Variants in PEAK1 observed in about 807,000 individuals in gnomAD.
The protein encoded by PEAK1 is pseudopodium enriched atypical kinase 1.
A neutral mutation model predicts 124.7 loss-of-function variants in PEAK1; 54 were observed. The observed-to-expected ratio is 0.43, with a 90% CI of 0.35 to 0.54. The LOEUF (loss-of-function observed/expected upper bound fraction) is 0.54. Ranked by LOEUF, PEAK1 falls within the 20% of genes least tolerant of loss-of-function variation. The pLI, the probability that PEAK1 is intolerant of heterozygous loss-of-function variation, is 0.01. For missense variants in PEAK1, 2,046 were observed against 2,134.5 expected (o/e 0.96, Z 0.82); for synonymous variants, 719 against 760.0 (o/e 0.95, Z 0.89).
intron 7 of PEAK1, among the ~76,000 whole-genome samples, chr15:77,163,986 G>T (rs1416665028): frequency 6.6e-6 from 1 of 152,118 alleles, no homozygotes; most frequent in African/African-American, 2.4e-5. Flanking sequence ...GCAGATGTGG[G>T]ATCTACATTA....
At chr15:77,311,061 T>C (rs1452147648) in intron 2 of PEAK1, among the ~76,000 whole-genome samples, 1 of 152,216 alleles carries the variant, frequency 6.6e-6, no homozygotes, top group Non-Finnish European at 1.5e-5. Flanking sequence ...CACTGGATAC[T>C]GGTTAAAGAA....
chr15:77,228,270 G>A (rs1345643338), intron 6 of PEAK1, among the ~76,000 whole-genome samples: 3 of 152,014 alleles, frequency 2.0e-5, no homozygotes, highest in African/African-American at 4.8e-5. Context: ...ATAATACCAC[G>A]ATTCTCATGT....
chr15:77,323,063 G>A (rs1173773446), intron 2 of PEAK1, among the ~76,000 whole-genome samples: 1 of 152,028 alleles, frequency 6.6e-6, no homozygotes, highest in African/African-American at 2.4e-5. Context: ...TGCAGAAAAG[G>A]CCTTTGACAA....
At chr15:77,387,482 T>G (rs1463728574) in intron 1 of PEAK1, among the ~76,000 whole-genome samples, 5 of 152,242 alleles carry the variant, frequency 3.3e-5, no homozygotes, top group Non-Finnish European at 7.3e-5. Flanking sequence ...GAAAGTGATT[T>G]GCTCACAGCT....
intron 9 of PEAK1, among the ~76,000 whole-genome samples, chr15:77,125,120 C>T (rs1181424229): frequency 6.6e-6 from 1 of 152,092 alleles, no homozygotes; most frequent in Non-Finnish European, 1.5e-5. Flanking sequence ...ATACAGTAAA[C>T]ATTTTTTGAA....
At chr15:77,197,556 C>T (rs569828016) in intron 6 of PEAK1, among the ~76,000 whole-genome samples, 6 of 151,842 alleles carry the variant, frequency 4.0e-5, no homozygotes, top group African/African-American at 1.2e-4. Flanking sequence ...CTACCTTTAC[C>T]TTTTTTCTAC....
intron 2 of PEAK1, among the ~76,000 whole-genome samples, chr15:77,320,726 T>C (rs1201857557): frequency 1.3e-5 from 2 of 152,268 alleles, no homozygotes; most frequent in African/African-American, 4.8e-5. Flanking sequence ...TAGTTACATA[T>C]GTATACATGT....
intron 1 of PEAK1, among the ~76,000 whole-genome samples, chr15:77,390,384 T>C (rs1243884917): frequency 6.6e-6 from 1 of 152,196 alleles, no homozygotes; most frequent in African/African-American, 2.4e-5. Flanking sequence ...TTGAGGATAA[T>C]TAGGGCTTTC....
intron 2 of PEAK1, among the ~76,000 whole-genome samples, chr15:77,301,668 C>G (rs1392187211): frequency 2.6e-5 from 4 of 152,076 alleles, no homozygotes; most frequent in Non-Finnish European, 5.9e-5. Flanking sequence ...TGATGCTGAC[C>G]CTGATCATCT....
At chr15:77,354,587 C>G (rs2067394114) in intron 2 of PEAK1, among the ~76,000 whole-genome samples, 1 of 152,186 alleles carries the variant, frequency 6.6e-6, no homozygotes, top group Admixed American at 6.5e-5. Context: ...TGGCCTTTCC[C>G]TGCAAACTGT....
At chr15:77,231,638 C>T (rs1366672283) in intron 6 of PEAK1, among the ~76,000 whole-genome samples, 1 of 152,028 alleles carries the variant, frequency 6.6e-6, no homozygotes, top group East Asian at 1.9e-4. Context: ...CAGATATGGT[C>T]AAAAACTTCA....
intron 2 of PEAK1, among the ~76,000 whole-genome samples, chr15:77,332,748 T>A (rs1416385795): frequency 6.6e-6 from 1 of 152,200 alleles, no homozygotes; most frequent in Non-Finnish European, 1.5e-5. Context: ...AAAAGGTACT[T>A]CATTTTTTTT....
At chr15:77,302,723 A>T (rs1318509588) in intron 2 of PEAK1, among the ~76,000 whole-genome samples, 1 of 151,868 alleles carries the variant, frequency 6.6e-6, no homozygotes, top group Admixed American at 6.6e-5. Context: ...ATACATTTAG[A>T]CTCTTTTGCC....
At chr15:77,197,040 A>G (rs2058141402) in intron 6 of PEAK1, among the ~76,000 whole-genome samples, 1 of 148,352 alleles carries the variant, frequency 6.7e-6, no homozygotes, top group African/African-American at 2.5e-5. Context: ...TTTTTAAGAT[A>G]CAGGGTTTTG....
intron 8 of PEAK1, among the ~76,000 whole-genome samples, chr15:77,137,307 C>T (rs2053420078): frequency 6.6e-6 from 1 of 152,202 alleles, no homozygotes; most frequent in Non-Finnish European, 1.5e-5. Flanking sequence ...GAGAAGAGGG[C>T]CACTGTCCTC....
intron 8 of PEAK1, among the ~76,000 whole-genome samples, chr15:77,153,001 C>T (rs1193437921): frequency 1.3e-5 from 2 of 152,156 alleles, no homozygotes; most frequent in Non-Finnish European, 2.9e-5. Context: ...ATGCTGGCCT[C>T]ATAAAATGAG....
chr15:77,161,327 A>G (rs184015189), intron 7 of PEAK1, among the ~76,000 whole-genome samples: 62 of 152,330 alleles, frequency 4.1e-4, no homozygotes, highest in African/African-American at 1.5e-3. Flanking sequence ...TGGTCTGGGA[A>G]ATGTGCCAAA....
chr15:77,364,629 A>C (rs530126763), intron 2 of PEAK1, among the ~76,000 whole-genome samples: 1 of 152,220 alleles, frequency 6.6e-6, no homozygotes, highest in Non-Finnish European at 1.5e-5. Context: ...CTATGATCCT[A>C]CCTTTAGAGT....
chr15:77,140,504 C>A (rs1346855733), intron 8 of PEAK1, among the ~76,000 whole-genome samples: 1 of 152,100 alleles, frequency 6.6e-6, no homozygotes, highest in South Asian at 2.1e-4. Flanking sequence ...CACATAATCA[C>A]CTTAATAGAT....
Sources: allele counts gnomAD v4.1 joint callset (sites outside exome capture counted in the v4.1 genomes callset), GRCh38; gene constraint gnomAD v4.1.1; transcripts MANE v1.5; gene names NCBI Gene and HGNC (gene_info 2026-07-23, HGNC 2026-07-21).